AP2B1: variants seen among roughly 807,000 people sequenced by gnomAD.
AP2B1 encodes adaptor related protein complex 2 subunit beta 1.
In AP2B1, 23 loss-of-function variants were observed where a neutral mutation model predicts 102.0. The ratio of observed to expected loss-of-function variants is 0.23; its 90% CI spans 0.16 to 0.32. The LOEUF (loss-of-function observed/expected upper bound fraction) is 0.32. Among genes scored for constraint, AP2B1 ranks in the 10% least tolerant of loss-of-function variants. The pLI, the probability that AP2B1 is intolerant of heterozygous loss-of-function variation, is 1.00. For missense variants in AP2B1, 541 were observed against 1,157.4 expected (o/e 0.47, Z 7.73); for synonymous variants, 381 against 421.2 (o/e 0.90, Z 1.17).
chr17:35,599,607 G>A (rs886881207), intron 3 of AP2B1, among the ~76,000 whole-genome samples: 2 of 152,070 alleles, frequency 1.3e-5, no homozygotes, highest in Non-Finnish European at 2.9e-5. Flanking sequence ...AGATCTATTC[G>A]AAATAAAGTG....
At chr17:35,722,496 T>G (rs1373614872) in intron 21 of AP2B1, among the ~76,000 whole-genome samples, 1 of 152,190 alleles carries the variant, frequency 6.6e-6, no homozygotes, top group Non-Finnish European at 1.5e-5. Flanking sequence ...TTTGTTTGGT[T>G]TGGGGTTTTT....
At chr17:35,636,640 T>G (rs1198810701) in intron 10 of AP2B1, among the ~76,000 whole-genome samples, 184 bp downstream of exon 10, 1 of 152,224 alleles carries the variant, frequency 6.6e-6, no homozygotes, top group African/African-American at 2.4e-5. Context: ...CACTCTGCTT[T>G]CTTTCTTTAG....
intron 2 of AP2B1, among the ~76,000 whole-genome samples, chr17:35,595,722 C>T (rs2073248020): frequency 6.6e-6 from 1 of 152,046 alleles, no homozygotes; most frequent in Non-Finnish European, 1.5e-5. Context: ...TTTAGTACCC[C>T]TCTTTGGTCC....
intron 1 of AP2B1, among the ~76,000 whole-genome samples, chr17:35,591,557 TAAAC>T (rs1162953929): frequency 6.6e-6 from 1 of 152,236 alleles, no homozygotes; most frequent in Admixed American, 6.5e-5. Context: ...TTTAAAATCT[TAAAC>T]AAGTTTTAAA....
chr17:35,674,709 A>G (rs1485681430), intron 17 of AP2B1, among the ~76,000 whole-genome samples: 2 of 152,228 alleles, frequency 1.3e-5, no homozygotes, highest in African/African-American at 2.4e-5. Context: ...CATCTCAAAA[A>G]GAAAACCAAA....
chr17:35,619,235 A>G (rs1464482155), intron 5 of AP2B1, among the ~76,000 whole-genome samples: 3 of 152,234 alleles, frequency 2.0e-5, no homozygotes, highest in Non-Finnish European at 4.4e-5. Context: ...CAGAGTTGTT[A>G]TGAGGATTAA....
intron 5 of AP2B1, among the ~76,000 whole-genome samples, chr17:35,621,643 G>A (rs899621458): frequency 3.3e-5 from 5 of 152,124 alleles, no homozygotes; most frequent in Non-Finnish European, 5.9e-5. Context: ...TTAATGTCAT[G>A]ATAAGTGGCA....
At chr17:35,634,192 A>G (rs936582361) in intron 9 of AP2B1, among the ~76,000 whole-genome samples, 1 of 152,148 alleles carries the variant, frequency 6.6e-6, no homozygotes, top group Non-Finnish European at 1.5e-5. Flanking sequence ...AAGTCTTTTT[A>G]CTTACTTATT....
At chr17:35,716,325 A>T (rs1225271414) in intron 20 of AP2B1, among the ~76,000 whole-genome samples, 1 of 152,248 alleles carries the variant, frequency 6.6e-6, no homozygotes, top group East Asian at 1.9e-4. Flanking sequence ...ATACAGCAAC[A>T]TCTCATAAAG....
intron 17 of AP2B1, 112 bp from the exon 18 acceptor site, chr17:35,682,583 A>G (rs888868766): frequency 2.9e-6 from 3 of 1,039,710 alleles, no homozygotes; most frequent in Non-Finnish European, 2.8e-6. Context: ...ACCTCAGGTG[A>G]TTCACCCACC....
At chr17:35,640,290 G>A (rs2074741973) in intron 11 of AP2B1, among the ~76,000 whole-genome samples, 1 of 146,190 alleles carries the variant, frequency 6.8e-6, no homozygotes, top group East Asian at 2.0e-4. Flanking sequence ...AGGCTGGAGT[G>A]TAGTGGCAGG....
chr17:35,608,692 A>G (rs2073767501), intron 5 of AP2B1, among the ~76,000 whole-genome samples: 1 of 152,200 alleles, frequency 6.6e-6, no homozygotes, highest in African/African-American at 2.4e-5. Flanking sequence ...ATTTATATAT[A>G]TTTAAGATTA....
At chr17:35,714,071 T>A (rs2076503836) in intron 20 of AP2B1, among the ~76,000 whole-genome samples, 1 of 152,224 alleles carries the variant, frequency 6.6e-6, no homozygotes, top group African/African-American at 2.4e-5. Context: ...AAACCAGTTT[T>A]TTAAATTAAG....
At chr17:35,636,203 G>A (rs569036221) in intron 9 of AP2B1, 138 bp from the exon 10 acceptor site, 7 of 596,954 alleles carry the variant, frequency 1.2e-5, no homozygotes, top group African/African-American at 1.1e-4. Flanking sequence ...CTAGCCTGTA[G>A]TACAGCTTGG....
intron 18 of AP2B1, among the ~76,000 whole-genome samples, chr17:35,700,307 G>C (rs1345446535): frequency 1.3e-5 from 2 of 151,750 alleles, no homozygotes; most frequent in Non-Finnish European, 2.9e-5. Flanking sequence ...CTGTTGACTA[G>C]GTTGTGTGGT....
intron 21 of AP2B1, among the ~76,000 whole-genome samples, chr17:35,720,846 A>G (rs1389077522): frequency 6.6e-6 from 1 of 151,790 alleles, no homozygotes. Flanking sequence ...ATCTCCCATC[A>G]TAGCACTTGA....
chr17:35,698,676 G>A (rs1300094620), intron 18 of AP2B1, among the ~76,000 whole-genome samples: 1 of 152,100 alleles, frequency 6.6e-6, no homozygotes, highest in African/African-American at 2.4e-5. Context: ...CCTCCACAAA[G>A]GTAGTCTTTC....
At chr17:35,687,532 A>G (rs2075961311) in intron 18 of AP2B1, among the ~76,000 whole-genome samples, 1 of 151,792 alleles carries the variant, frequency 6.6e-6, no homozygotes, top group Non-Finnish European at 1.5e-5. Context: ...TACTTAAATC[A>G]GTGTTCAATG....
intron 5 of AP2B1, chr17:35,621,495 G>A (rs2074177308): frequency 4.1e-6 from 1 of 241,854 alleles, no homozygotes; most frequent in South Asian, 1.5e-4. Context: ...GTATAGAGGG[G>A]TAGGATAGCA....
Sources: allele counts gnomAD v4.1 joint callset (sites outside exome capture counted in the v4.1 genomes callset), GRCh38; gene constraint gnomAD v4.1.1; transcripts MANE v1.5; gene names NCBI Gene and HGNC (gene_info 2026-07-23, HGNC 2026-07-21).